Variants in PTP4A2 observed in about 807,000 individuals in gnomAD.
PTP4A2 encodes protein tyrosine phosphatase 4A2, also known as protein tyrosine phosphatase type IVA 2.
A neutral mutation model predicts 22.9 loss-of-function variants in PTP4A2; 2 were observed. That is an observed-to-expected ratio of 0.09 (90% CI 0.04 to 0.27). The LOEUF is 0.27. PTP4A2 is among the 10% of genes least tolerant of loss of function. The pLI, the probability that PTP4A2 is intolerant of heterozygous loss-of-function variation, is 1.00. For missense variants in PTP4A2, 103 were observed against 205.1 expected, an observed-to-expected ratio of 0.50 and a Z score of 3.04; for synonymous variants, 68 against 69.1, an observed-to-expected ratio of 0.98 and a Z score of 0.08.
intron 1 of PTP4A2, among the ~76,000 whole-genome samples, chr1:31,930,711 T>C (rs1468030316): frequency 6.6e-6 from 1 of 152,154 alleles, no homozygotes; most frequent in Non-Finnish European, 1.5e-5. Context: ...AGATAAACAG[T>C]CAAGAATCCA....
rs1652016217 is a variant in PTP4A2 at position 31,919,191 on chromosome 1, A to G, written c.-126T>C. 3.8e-6 allele frequency: 2 copies of G among 532,370 alleles called. No individual in the cohort carries two copies. Among genetic ancestry groups the G allele is most frequent in the Admixed American group, 3.3e-5 (1 of 30,396 alleles). 33.0% of individuals were successfully genotyped at this position (532,370 alleles called of 1,614,324 possible). Reference sequence around the variant, plus strand: ...AAAGACCACTAAAATGCCTATTATCAATCAGTGTTTTCTCTATTCAACTTG... The same window carrying G: ...AAAGACCACTAAAATGCCTATTATCGATCAGTGTTTTCTCTATTCAACTTG... On this transcript the variant is annotated 5_prime_UTR_variant, in exon 2 of 6. Coordinates refer to ENST00000647444, the MANE Select transcript of PTP4A2 (RefSeq NM_080391.4).
Position 31,908,777 on chromosome 1 carries a change from C to A in PTP4A2, c.*75G>T. On this transcript the variant is annotated 3_prime_UTR_variant, in exon 6 of 6. Transcript: ENST00000647444. ...CTACTTTGATGACACAGGTAATATT[C>A]CAGATTCACATTTCCAGGTACCAAG... The A allele has an allele frequency of 2.0e-6, 2 of 1,018,548 alleles. No homozygotes were observed. Among genetic ancestry groups the A allele is most frequent in the South Asian group, 1.3e-5 (1 of 74,658 alleles). 63.1% of individuals were successfully genotyped at this position (1,018,548 alleles called of 1,614,324 possible). A position where few individuals can be genotyped will look rare whatever the true frequency, so the allele number is the denominator to read the frequency against.
intron 1 of PTP4A2, among the ~76,000 whole-genome samples, chr1:31,937,604 TCTACCACCACCC>T (rs898274721): frequency 1.8e-4 from 26 of 147,852 alleles, no homozygotes; most frequent in Non-Finnish European, 3.7e-4. Flanking sequence ...ACTCACTCAT[TCTACCACCACCC>T]CTCATGCCCA....
chr1:31,938,217 T>TGCTGCCGCCGCTGCCTCC lies in PTP4A2; in HGVS notation c.-842_-825dup, dbSNP rs1557871132. ...CTGCTGCGGCCGCCGCTGCGTCTCC[T>TGCTGCCGCCGCTGCCTCC]GCTGCCGCCGCTGCCTCCGCTGCCG... On this transcript the variant is annotated 5_prime_UTR_variant, in exon 1 of 6. Coordinates refer to ENST00000647444, the MANE Select transcript of PTP4A2 (RefSeq NM_080391.4). The surrounding 1 kb of genome is among the most constrained non-coding windows in gnomAD (Gnocchi z 4.4). The TGCTGCCGCCGCTGCCTCC allele has an allele frequency of 2.0e-5, 3 of 152,708 alleles. No individual in the cohort carries two copies. The highest frequency in any genetic ancestry group is 4.9e-5 in the African/African-American group (2 of 40,916). The allele number at this position is 152,708 out of a possible 1,614,324, so 9.5% of individuals were successfully genotyped here. A position where few individuals can be genotyped will look rare whatever the true frequency, so the allele number is the denominator to read the frequency against.
chr1:31,921,284 A>G (rs1356185847), intron 1 of PTP4A2: 2 of 152,224 alleles, frequency 1.3e-5, no homozygotes, highest in African/African-American at 2.4e-5. Flanking sequence ...TTTTTAACTG[A>G]GCCCAAATTC....
intron 1 of PTP4A2, among the ~76,000 whole-genome samples, chr1:31,923,375 C>A (rs1204955057): frequency 6.9e-6 from 1 of 144,436 alleles, no homozygotes; most frequent in African/African-American, 2.6e-5. Context: ...TGCTCTGTCG[C>A]CCAGGCTGGA....
intron 3 of PTP4A2, 59 bp from the exon 4 acceptor site, chr1:31,911,885 T>A: frequency 7.3e-7 from 1 of 1,375,270 alleles, no homozygotes; most frequent in Non-Finnish European, 9.9e-7. Context: ...AACATCCTAA[T>A]ACAGAATACC....
chr1:31,913,870 A>C, intron 3 of PTP4A2: 1 of 456,286 alleles, frequency 2.2e-6, no homozygotes. Flanking sequence ...ATTTTTGCTC[A>C]CTAGAGAACA....
rs1651226200 is a variant in PTP4A2 at position 31,907,320 on chromosome 1, GGT to G, written c.*1530_*1531del. On this transcript the variant is annotated 3_prime_UTR_variant, in exon 6 of 6. Coordinates refer to ENST00000647444, the MANE Select transcript of PTP4A2 (RefSeq NM_080391.4). ...TGAAAATAGTGCAAGAGCCCCTGAT[GGT>G]GCCCCTCTACCTGCTTTGTCCATGC... 1 of 152,154 alleles carries G rather than the reference GGT, an allele frequency of 6.6e-6. No individual in the cohort carries two copies. Among genetic ancestry groups the G allele is most frequent in the African/African-American group, 2.4e-5 (1 of 41,430 alleles). The allele number at this position is 152,154 out of a possible 1,614,324, so 9.4% of individuals were successfully genotyped here.
chr1:31,929,373 TA>T (rs1475535661), intron 1 of PTP4A2, among the ~76,000 whole-genome samples: 1 of 152,236 alleles, frequency 6.6e-6, no homozygotes, highest in Non-Finnish European at 1.5e-5. Flanking sequence ...GTTAATCTTT[TA>T]AAAATTACAT....
At chr1:31,917,778 A>G (rs1569599593) in intron 2 of PTP4A2, among the ~76,000 whole-genome samples, 1 of 151,910 alleles carries the variant, frequency 6.6e-6, no homozygotes, top group Non-Finnish European at 1.5e-5. Context: ...GATCAAGACC[A>G]TCCTGGCCAA....
chr1:31,926,159 T>TAC (rs1557867034), intron 1 of PTP4A2, among the ~76,000 whole-genome samples: 2 of 145,594 alleles, frequency 1.4e-5, no homozygotes, highest in Non-Finnish European at 3.0e-5. Context: ...AATATATATA[T>TAC]ATATATATAT....
At chr1:31,915,622 C>CTTGA in intron 3 of PTP4A2, 1 of 225,734 alleles carries the variant, frequency 4.4e-6, no homozygotes, top group Non-Finnish European at 8.5e-6. Flanking sequence ...TCACTGCAGT[C>CTTGA]TCAACCACCT....
At position 31,906,736 on chromosome 1, in the gene PTP4A2, GCACACACACACA is replaced by G. The variant is rs138545171; in HGVS notation, c.*2104_*2115del. 1.9e-4 allele frequency: 25 copies of G among 131,568 alleles called. 1 individual carries two copies. Among genetic ancestry groups the G allele is most frequent in the African/African-American group, 6.5e-4 (22 of 33,748 alleles). 8.2% of individuals were successfully genotyped at this position (131,568 alleles called of 1,614,324 possible). On this transcript the variant is annotated 3_prime_UTR_variant, in exon 6 of 6. Coordinates refer to ENST00000647444, the MANE Select transcript of PTP4A2 (RefSeq NM_080391.4). ...ACTGATACTGATGGACACTGCGCGT[GCACACACACACA>G]CACACATACACACACACACACACAC...
intron 4 of PTP4A2, 74 bp from the exon 5 acceptor site, chr1:31,910,186 TATTACCAATGCA>T: frequency 1.8e-6 from 2 of 1,124,638 alleles, no homozygotes; most frequent in Non-Finnish European, 2.7e-6. Context: ...TGTAACTGCA[TATTACCAATGCA>T]ACGCATGAGC....
At chr1:31,913,378 A>G (rs543888090) in intron 3 of PTP4A2, among the ~76,000 whole-genome samples, 1 of 152,042 alleles carries the variant, frequency 6.6e-6, no homozygotes, top group Non-Finnish European at 1.5e-5. Flanking sequence ...CTATTTATTT[A>G]TTTGTTTGTT....
chr1:31,927,799 G>A lies in PTP4A2; in HGVS notation c.-593-8141C>T, dbSNP rs1279924435. On this transcript the variant is annotated intron_variant, in intron 1 of 5. Coordinates refer to ENST00000647444, the MANE Select transcript of PTP4A2 (RefSeq NM_080391.4). ...CTTGTGGAGTCCAACTTAATATTCA[G>A]AGGCTATTCAGACAATAGATTGTAA... Among the ~76,000 whole-genome samples the A allele has an allele frequency of 3.3e-5, 5 of 152,258 alleles. No homozygotes were observed. In the East Asian group the frequency reaches 9.6e-4, roughly 29 times the overall value.
At chr1:31,923,663 C>G (rs941186347) in intron 1 of PTP4A2, among the ~76,000 whole-genome samples, 1 of 151,854 alleles carries the variant, frequency 6.6e-6, no homozygotes, top group African/African-American at 2.4e-5. Flanking sequence ...GCTGGGACTA[C>G]AGGTGCATGC....
intron 1 of PTP4A2, among the ~76,000 whole-genome samples, chr1:31,922,906 G>A (rs57541489): frequency 6.6e-6 from 1 of 151,236 alleles, no homozygotes; most frequent in East Asian, 1.9e-4. Context: ...ACAGGCATGA[G>A]TCACCGTGCC....
Sources: allele counts gnomAD v4.1 joint callset (sites outside exome capture counted in the v4.1 genomes callset), GRCh38; gene constraint gnomAD v4.1.1; non-coding constraint Gnocchi (gnomAD v3.1); transcripts MANE v1.5; gene names NCBI Gene and HGNC (gene_info 2026-07-23, HGNC 2026-07-21).